Variants in PCNT observed in about 807,000 individuals in gnomAD.
PCNT encodes the protein kendrin.
PCNT carries 319 observed loss-of-function variants against 380.4 expected under a neutral mutation model. The observed-to-expected ratio is 0.84, with a 90% CI of 0.77 to 0.92. The LOEUF is 0.92. Among genes scored for constraint, PCNT ranks in the 40% least tolerant of loss-of-function variants. The pLI is 0.00. For missense variants in PCNT, 4,400 were observed against 4,255.3 expected (o/e 1.03, Z -0.95); for synonymous variants, 1,845 against 1,735.2 (o/e 1.06, Z -1.57).
In PCNT at chr21:46,403,873, G is replaced by A. The variant is rs112043135; in HGVS notation, c.5115+1390G>A. Reference sequence around the variant, plus strand: ...CGTGTATGTGTGGTGCCCACGCGGCGTGTGCTCGGTGAATGAACACAGCGT... The same window carrying A: ...CGTGTATGTGTGGTGCCCACGCGGCATGTGCTCGGTGAATGAACACAGCGT... On this transcript the variant is annotated intron_variant, in intron 27 of 46. Coordinates refer to ENST00000359568, the MANE Select transcript of PCNT (RefSeq NM_006031.6). Among the ~76,000 whole-genome samples the A allele has an allele frequency of 1.2e-3, 178 of 143,740 alleles. 12 individuals carry two copies. Among genetic ancestry groups the A allele is most frequent in the Non-Finnish European group, 2.2e-3 (147 of 65,928 alleles). The allele number at this position is 143,740 out of a possible 152,430, so 94.3% of individuals were successfully genotyped here. A position where few individuals can be genotyped will look rare whatever the true frequency, so the allele number is the denominator to read the frequency against.
At chr21:46,408,058 A>G (rs894705220) in intron 27 of PCNT, among the ~76,000 whole-genome samples, 1 of 152,188 alleles carries the variant, frequency 6.6e-6, no homozygotes, top group African/African-American at 2.4e-5. Flanking sequence ...ATACAGTTTT[A>G]TAAATTTTGA....
At chr21:46,381,356 C>T (rs1277502805) in intron 15 of PCNT, among the ~76,000 whole-genome samples, 1 of 151,960 alleles carries the variant, frequency 6.6e-6, no homozygotes, top group Admixed American at 6.6e-5. Context: ...GTTTTCATGG[C>T]TGTAATTCCT....
chr21:46,359,054 C>T (rs567402482), intron 13 of PCNT, among the ~76,000 whole-genome samples: 3 of 152,118 alleles, frequency 2.0e-5, no homozygotes, highest in African/African-American at 2.4e-5. Flanking sequence ...GTGATCCACC[C>T]GCCTCAGCCT....
rs1423806798 is a variant in PCNT at position 46,382,753 on chromosome 21, G to A, written c.3312+913G>A. 3.0e-4 allele frequency among the ~76,000 whole-genome samples: 43 copies of A among 142,798 alleles called. 6 individuals carry two copies. Among genetic ancestry groups the A allele is most frequent in the Admixed American group, 7.8e-4 (11 of 14,030 alleles). 93.7% of individuals were successfully genotyped at this position (142,798 alleles called of 152,430 possible). On this transcript the variant is annotated intron_variant, in intron 16 of 46. Coordinates refer to ENST00000359568, the MANE Select transcript of PCNT (RefSeq NM_006031.6). The stretch of plus-strand genomic sequence containing the variant: ...TTCACAGTGCTGTGCATTCAGTGGC[G>A]GAAGCGCATTCACCGTGTTGTATAT...
At chr21:46,398,555 G>A (rs1385602769) in intron 24 of PCNT, among the ~76,000 whole-genome samples, 2 of 152,256 alleles carry the variant, frequency 1.3e-5, no homozygotes, top group Non-Finnish European at 2.9e-5. Flanking sequence ...CAGGGATCTG[G>A]TGACGCTGCA....
chr21:46,444,705 C>G lies in PCNT; in HGVS notation c.9851C>G (p.Ser3284Cys). The G allele has an allele frequency of 6.2e-7, 1 of 1,612,310 alleles. No individual in the cohort carries two copies. The highest frequency in any genetic ancestry group is 1.1e-5 in the South Asian group (1 of 91,030). The change falls in exon 46 of 47, where the codon TCC (serine) becomes TGC (cysteine). Residue 3284 changes from serine to cysteine, a missense_variant. Physicochemically the swap from Ser to Cys is moderately radical, Grantham distance 112. Transcript: ENST00000359568. ...TAATTTGTTTGAAGAGCCACTCCAT[C>G]CCCAAATTCAAGATTAGAAAGATCC... is the stretch of plus-strand genomic sequence containing the variant. Reference protein sequence around the residue: ...SPHSGGRATPSPNSRLERSLT... With the variant: ...SPHSGGRATPCPNSRLERSLT...
At chr21:46,335,274 C>T (rs1168528092) in intron 3 of PCNT, among the ~76,000 whole-genome samples, 2 of 152,178 alleles carry the variant, frequency 1.3e-5, no homozygotes, top group East Asian at 1.9e-4. Context: ...GTTTCTGCCA[C>T]GTTCCTGGTG....
chr21:46,402,284 A>G, intron 26 of PCNT, 47 bp from the exon 27 acceptor site: 1 of 1,261,478 alleles, frequency 7.9e-7, no homozygotes, highest in Non-Finnish European at 1.1e-6. Flanking sequence ...ATATTAATAG[A>G]ATATTAGATG....
At chr21:46,324,883 T>A in intron 1 of PCNT, 1 of 985,460 alleles carries the variant, frequency 1.0e-6, no homozygotes, top group Non-Finnish European at 1.2e-6. Context: ...CGCGCGTTTC[T>A]CGCGGCGTTG....
chr21:46,383,847 A>G lies in PCNT; in HGVS notation c.3313-1985A>G, dbSNP rs1326256315. On this transcript the variant is annotated intron_variant, in intron 16 of 46. Coordinates refer to ENST00000359568, the MANE Select transcript of PCNT (RefSeq NM_006031.6). ...GTTCAGTGGCGGAAGCGCATTCACC[A>G]TGTTGTATATTCAGTGACGGAAGCG... Among the ~76,000 whole-genome samples the G allele has an allele frequency of 1.7e-3, 182 of 110,182 alleles. 1 individual carries two copies. The highest frequency in any genetic ancestry group is 5.3e-3 in the African/African-American group (153 of 28,760). 72.3% of individuals were successfully genotyped at this position (110,182 alleles called of 152,430 possible).
Position 46,432,048 on chromosome 21 carries a change from G to T in PCNT, c.8584G>T (p.Glu2862Ter), listed in dbSNP as rs1171002377. 1 of 1,613,142 alleles carries T rather than the reference G, an allele frequency of 6.2e-7. No homozygotes were observed. The highest frequency in any genetic ancestry group is 1.1e-5 in the South Asian group (1 of 91,052). ...TQKRELRCSLEREREKPAWLQ... is the reference protein window; with the variant it reads ...TQKRELRCSL ...AAAACGAGAGCTGAGATGCTCTCTG[G>T]AGAGAGAGAGGGAGAAACCAGCGTG... Residue 2862 changes from glutamate to a stop codon, truncating the protein, a stop_gained, in exon 38 of 47, where the codon GAG becomes TAG. Coordinates refer to ENST00000359568, the MANE Select transcript of PCNT (RefSeq NM_006031.6). LOFTEE classifies it high-confidence loss of function.
At chr21:46,403,738 T>A (rs2086524215) in intron 27 of PCNT, among the ~76,000 whole-genome samples, 1 of 144,878 alleles carries the variant, frequency 6.9e-6, no homozygotes, top group Non-Finnish European at 1.5e-5. Flanking sequence ...GAATAGTGTG[T>A]GTTTGGTGCC....
Position 46,416,699 on chromosome 21 carries a change from G to A in PCNT, c.6781G>A (p.Gly2261Arg), listed in dbSNP as rs778621511. ...LSLCSADTSL[G>R]DRADTSLPQT... ...CCTGTGCAGTGCCGACACATCCCTG[G>A]GGGACAGGGCGGACACCTCGCTGCC... is the stretch of plus-strand genomic sequence containing the variant. Residue 2261 changes from glycine (G) to arginine (R), a missense_variant, in exon 30 of 47, where the codon GGG becomes AGG. By Grantham distance (125) the Gly-to-Arg change is moderately radical. Coordinates refer to ENST00000359568, the MANE Select transcript of PCNT (RefSeq NM_006031.6). The A allele has an allele frequency of 1.6e-5, 25 of 1,568,668 alleles. No individual in the cohort carries two copies. The highest frequency in any genetic ancestry group is 2.2e-5 in the Non-Finnish European group (25 of 1,156,798).
chr21:46,366,386 T>C (rs2084929368), intron 14 of PCNT, among the ~76,000 whole-genome samples, 198 bp from the exon 15 acceptor site: 1 of 152,176 alleles, frequency 6.6e-6, no homozygotes. Flanking sequence ...TGGGCTTCTC[T>C]GGCTTCATGG....
At chr21:46,409,156 C>T (rs1422619430) in intron 27 of PCNT, among the ~76,000 whole-genome samples, 3 of 147,242 alleles carry the variant, frequency 2.0e-5, no homozygotes, top group African/African-American at 7.5e-5. Context: ...TTTTCATTCT[C>T]TTAACAGTAT....
intron 35 of PCNT, among the ~76,000 whole-genome samples, chr21:46,429,071 C>T (rs1468095248): frequency 1.3e-5 from 2 of 152,204 alleles, no homozygotes; most frequent in East Asian, 1.9e-4. Context: ...CTCGTACCAT[C>T]GCATGTGGGG....
chr21:46,399,610 G>T lies in PCNT; in HGVS notation c.4605G>T (p.Lys1535Asn), dbSNP rs775413533. 2.7e-5 allele frequency: 44 copies of T among 1,613,408 alleles called. 1 individual carries two copies. The East Asian group carries it at 9.4e-4, about 34-fold the overall frequency. Residue 1535 changes from lysine to asparagine, a missense_variant, in exon 25 of 47, where the codon AAG (lysine) becomes AAT (asparagine). Coordinates refer to ENST00000359568, the MANE Select transcript of PCNT (RefSeq NM_006031.6). ...TTTAGGTTGAGTTGTTACAACAAAAGTTGAGAGAAAAGTTGGATGAATTTA... is the reference window on the plus strand; with the variant it reads ...TTTAGGTTGAGTTGTTACAACAAAATTTGAGAGAAAAGTTGGATGAATTTA... ...LDGEVELLQQKLREKLDEFNE... is the reference protein window; with the variant it reads ...LDGEVELLQQNLREKLDEFNE...
chr21:46,398,285 C>G (rs773996817), intron 24 of PCNT, 30 bp downstream of exon 24: 4 of 1,586,870 alleles, frequency 2.5e-6, no homozygotes, highest in Non-Finnish European at 3.4e-6. Context: ...ATGGGCACTC[C>G]CTGCGCTGGC....
In PCNT at chr21:46,402,406, A is replaced by G; in HGVS notation, c.5038A>G (p.Asn1680Asp). 1 of 1,613,416 alleles carries G rather than the reference A, an allele frequency of 6.2e-7. No individual in the cohort carries two copies. Among genetic ancestry groups the G allele is most frequent in the South Asian group, 1.1e-5 (1 of 91,064 alleles). Residue 1680 changes from asparagine to aspartate, a missense_variant, in exon 27 of 47, where the codon AAC becomes GAC. Asn to Asp is a conservative substitution (Grantham distance 23). Transcript: ENST00000359568. ...TAAAAATGAAGAAATACTACATCTG[A>G]ACTTAAAATTGGACATGCAGAACAG... Reference protein sequence around the residue: ...ESKNEEILHLNLKLDMQNSQT... With the variant: ...ESKNEEILHLDLKLDMQNSQT...
Sources: gnomAD v4.1 joint callset for allele counts (sites outside exome capture counted in the v4.1 genomes callset) on GRCh38, gnomAD v4.1.1 for gene constraint, MANE v1.5 for transcripts, NCBI Gene and HGNC (gene_info 2026-07-23, HGNC 2026-07-21) for gene names.